The following ATXN10 variants were observed in gnomAD, a reference collection of about 807,000 sequenced individuals.
ATXN10 encodes ataxin-10.
A neutral mutation model predicts 52.9 loss-of-function variants in ATXN10; 28 were observed. The ratio of observed to expected loss-of-function variants is 0.53; its 90% CI spans 0.39 to 0.73. The LOEUF (loss-of-function observed/expected upper bound fraction) is 0.73, where lower values mean the gene tolerates loss of function less well. Among genes scored for constraint, ATXN10 ranks in the 30% least tolerant of loss-of-function variants. The probability of loss-of-function intolerance (pLI) is 0.00; values close to 1 mark genes in which losing one functional copy is unlikely to be tolerated. For synonymous variants in ATXN10, 226 were observed against 221.5 expected, an observed-to-expected ratio of 1.02 and a Z score of -0.18; for missense variants, 565 against 577.0, an observed-to-expected ratio of 0.98 and a Z score of 0.21.
chr22:45,671,965 CCTCCTCGCCATCCTA>C lies in ATXN10; in HGVS notation c.-92_-78del. On this transcript the variant is annotated 5_prime_UTR_variant, in exon 1 of 12. Coordinates refer to ENST00000252934, the MANE Select transcript of ATXN10 (RefSeq NM_013236.4). Reference sequence around the variant, plus strand: ...CTGTGTAGGGCGAGGCCTCCCCCTTCCTCCTCGCCATCCTACTCCTCCCTCCTCGTCATCCTCCCC... The same window carrying C: ...CTGTGTAGGGCGAGGCCTCCCCCTTCCTCCTCCCTCCTCGTCATCCTCCCC... 3 of 1,363,256 alleles carry C rather than the reference CCTCCTCGCCATCCTA, an allele frequency of 2.2e-6. No homozygotes were observed. Among genetic ancestry groups the C allele is most frequent in the Non-Finnish European group, 2.0e-6 (2 of 1,002,344 alleles). 84.4% of individuals were successfully genotyped at this position (1,363,256 alleles called of 1,614,324 possible).
At chr22:45,834,088 C>T (rs1228767832) in intron 10 of ATXN10, among the ~76,000 whole-genome samples, 1 of 152,224 alleles carries the variant, frequency 6.6e-6, no homozygotes, top group East Asian at 1.9e-4. Context: ...TGGAATGTGA[C>T]AACTGATGCT....
At chr22:45,726,893 G>A (rs1924893501) in intron 6 of ATXN10, among the ~76,000 whole-genome samples, 1 of 152,106 alleles carries the variant, frequency 6.6e-6, no homozygotes, top group East Asian at 1.9e-4. Flanking sequence ...TGTCGCCCGG[G>A]CTGGTCTCAA....
chr22:45,815,475 T>C (rs1928428684), intron 10 of ATXN10, among the ~76,000 whole-genome samples: 1 of 152,178 alleles, frequency 6.6e-6, no homozygotes, highest in Non-Finnish European at 1.5e-5. Context: ...GTATTAAAAT[T>C]GTTTAAATCA....
At chr22:45,802,625 A>C (rs1411852814) in intron 9 of ATXN10, among the ~76,000 whole-genome samples, 1 of 152,168 alleles carries the variant, frequency 6.6e-6, no homozygotes, top group Non-Finnish European at 1.5e-5. Flanking sequence ...ATCCTTTCCT[A>C]ATGCAGCTGT....
In ATXN10 at chr22:45,696,044, T is replaced by C. The variant is rs1308047337; in HGVS notation, c.391+2966T>C. ...TGGTAATTAAAAATTAATTACTTCC[T>C]TTAAGAATTTACAGACAAAGTGCAT... On this transcript the variant is annotated intron_variant, in intron 3 of 11. Transcript: ENST00000252934. This position sits in a 1 kb window ranked among gnomAD's most constrained non-coding sequence, Gnocchi z 4.7. 6.6e-6 allele frequency among the ~76,000 whole-genome samples: 1 copy of C among 152,238 alleles called. No homozygotes were observed. Among genetic ancestry groups the C allele is most frequent in the African/African-American group, 2.4e-5 (1 of 41,454 alleles).
At chr22:45,797,920 C>T (rs1391588651) in intron 9 of ATXN10, among the ~76,000 whole-genome samples, 1 of 152,132 alleles carries the variant, frequency 6.6e-6, no homozygotes, top group Non-Finnish European at 1.5e-5. Flanking sequence ...ATAGCATAAA[C>T]AACTTGATGC....
chr22:45,718,358 A>G lies in ATXN10; in HGVS notation c.648-55A>G. 5.3e-6 allele frequency: 7 copies of G among 1,311,468 alleles called. No homozygotes were observed. The highest frequency in any genetic ancestry group is 7.7e-6 in the Non-Finnish European group (7 of 904,210). The allele number at this position is 1,311,468 out of a possible 1,614,324, so 81.2% of individuals were successfully genotyped here. A position where few individuals can be genotyped will look rare whatever the true frequency, so the allele number is the denominator to read the frequency against. ...TGGTGCCTATAAAGTAGATAAGGGC[A>G]TGTCTCTTTTACTATGTTTCAAGTA... is the stretch of plus-strand genomic sequence containing the variant. On this transcript the variant is annotated intron_variant, in intron 5 of 11. Coordinates refer to ENST00000252934, the MANE Select transcript of ATXN10 (RefSeq NM_013236.4). This position sits in a 1 kb window ranked among gnomAD's most constrained non-coding sequence, Gnocchi z 4.4.
intron 6 of ATXN10, among the ~76,000 whole-genome samples, chr22:45,720,316 C>CT (rs75983888): frequency 2.5e-3 from 356 of 140,804 alleles, no homozygotes; most frequent in East Asian, 0.014. Flanking sequence ...CTATTGTAAC[C>CT]TTTTTTTTTT....
rs1922459246 is a variant in ATXN10 at position 45,672,002 on chromosome 22, C to T, written c.-62C>T. 6 of 1,513,502 alleles carry T rather than the reference C, an allele frequency of 4.0e-6. No homozygotes were observed. The highest frequency in any genetic ancestry group is 2.7e-6 in the Non-Finnish European group (3 of 1,129,622). 93.8% of individuals were successfully genotyped at this position (1,513,502 alleles called of 1,614,324 possible). On this transcript the variant is annotated 5_prime_UTR_variant, in exon 1 of 12. Transcript: ENST00000252934. ...CCTACTCCTCCCTCCTCGTCATCCT[C>T]CCCCTTCGTCCTCCTCGCCTTCCTC...
At chr22:45,794,416 A>T (rs140267664) in intron 9 of ATXN10, among the ~76,000 whole-genome samples, 161 of 151,410 alleles carry the variant, frequency 1.1e-3, no homozygotes, top group East Asian at 7.9e-3. Context: ...GTTGTCTAAA[A>T]CCTGTTTCTC....
rs921267774 is a variant in ATXN10 at position 45,696,475 on chromosome 22, T to C, written c.391+3397T>C. 3.3e-5 allele frequency among the ~76,000 whole-genome samples: 5 copies of C among 152,246 alleles called. No homozygotes were observed. The highest frequency in any genetic ancestry group is 5.9e-5 in the Non-Finnish European group (4 of 68,044). ...CAAAGGGGAAGTGCTGTACAAATGC[T>C]GTGATTAAATAACTATTAGAATGGA... On this transcript the variant is annotated intron_variant, in intron 3 of 11. Coordinates refer to ENST00000252934, the MANE Select transcript of ATXN10 (RefSeq NM_013236.4). The surrounding 1 kb of genome is among the most constrained non-coding windows in gnomAD (Gnocchi z 4.7).
rs934121179 is a variant in ATXN10, at chr22:45,844,509, C to A, written c.*838C>A. ...CATAAAGGTGCCACTCAGTTTTAGC[C>A]ATGTCTTCACTGAAATTGCAAAAGT... On this transcript the variant is annotated 3_prime_UTR_variant, in exon 12 of 12. Transcript: ENST00000252934. 1.3e-5 allele frequency: 2 copies of A among 152,184 alleles called. No homozygotes were observed. Among genetic ancestry groups the A allele is most frequent in the African/African-American group, 4.8e-5 (2 of 41,436 alleles). 9.4% of individuals were successfully genotyped at this position (152,184 alleles called of 1,614,324 possible). A position where few individuals can be genotyped will look rare whatever the true frequency, so the allele number is the denominator to read the frequency against.
intron 7 of ATXN10, among the ~76,000 whole-genome samples, chr22:45,737,036 A>G (rs184189673): frequency 6.6e-6 from 1 of 152,342 alleles, no homozygotes; most frequent in Admixed American, 6.5e-5. Context: ...TTGATTACCA[A>G]TCTTCAGAAT....
rs144771657 is a variant in ATXN10, at chr22:45,790,103, A to G, written c.1174-16856A>G. Reference sequence around the variant, plus strand: ...ACATTGCATTTTAAATTAAAGTCCAAAGGCATTAAAGTCCAATTCTCTTGC... The same window carrying G: ...ACATTGCATTTTAAATTAAAGTCCAGAGGCATTAAAGTCCAATTCTCTTGC... On this transcript the variant is annotated intron_variant, in intron 9 of 11. Transcript: ENST00000252934. This position sits in a 1 kb window ranked among gnomAD's most constrained non-coding sequence, Gnocchi z 4.7. 7.1e-4 allele frequency among the ~76,000 whole-genome samples: 108 copies of G among 152,332 alleles called. 1 individual carries two copies. The highest frequency in any genetic ancestry group is 2.4e-3 in the African/African-American group (98 of 41,576).
rs1055046106 is a variant in ATXN10 at position 45,826,735 on chromosome 22, A to G, written c.1238-16256A>G. On this transcript the variant is annotated intron_variant, in intron 10 of 11. Coordinates refer to ENST00000252934, the MANE Select transcript of ATXN10 (RefSeq NM_013236.4). The surrounding 1 kb of genome is among the most constrained non-coding windows in gnomAD (Gnocchi z 5.0). ...TAAATTAAGGCATTCACAGACGAAC[A>G]AAAGCTGATGGAGTTTGTTACCACT... Among the ~76,000 whole-genome samples, 27 of 152,248 alleles carry G rather than the reference A, an allele frequency of 1.8e-4. No homozygotes were observed. The highest frequency in any genetic ancestry group is 6.3e-4 in the African/African-American group (26 of 41,468).
rs1052095655 is a variant in ATXN10 at position 45,744,873 on chromosome 22, C to G, written c.1173+4335C>G. ...AGAAATGTATTTTATCCCAAATTCT[C>G]ATGAGTCTTTAATGCTTAAGTCTGT... On this transcript the variant is annotated intron_variant, in intron 9 of 11. Coordinates refer to ENST00000252934, the MANE Select transcript of ATXN10 (RefSeq NM_013236.4). This position sits in a 1 kb window ranked among gnomAD's most constrained non-coding sequence, Gnocchi z 4.9. The G allele has an allele frequency of 6.6e-6, 1 of 152,204 alleles. No homozygotes were observed. Among genetic ancestry groups the G allele is most frequent in the Admixed American group, 6.5e-5 (1 of 15,288 alleles). 9.4% of individuals were successfully genotyped at this position (152,204 alleles called of 1,614,324 possible).
In ATXN10 at chr22:45,740,558, T is replaced by C. The variant is rs188695486; in HGVS notation, c.1173+20T>C. The C allele has an allele frequency of 2.7e-4, 430 of 1,609,188 alleles. 1 individual carries two copies. The East Asian group carries it at 4.3e-3, about 16-fold the overall frequency. On this transcript the variant is annotated intron_variant, in intron 9 of 11. Coordinates refer to ENST00000252934, the MANE Select transcript of ATXN10 (RefSeq NM_013236.4). ...GACAAGGTAAGAGGATTTCTTAGTA[T>C]GTATTATACATGTATGGCTTCATTT...
chr22:45,776,680 A>T (rs1443115878), intron 9 of ATXN10, among the ~76,000 whole-genome samples: 1 of 151,066 alleles, frequency 6.6e-6, no homozygotes, highest in Non-Finnish European at 1.5e-5. Context: ...TTCTCAATAG[A>T]GAAAATGAAA....
At position 45,837,628 on chromosome 22, in the gene ATXN10, C is replaced by T. The variant is rs1303208613; in HGVS notation, c.1238-5363C>T. On this transcript the variant is annotated intron_variant, in intron 10 of 11. Coordinates refer to ENST00000252934, the MANE Select transcript of ATXN10 (RefSeq NM_013236.4). This position sits in a 1 kb window ranked among gnomAD's most constrained non-coding sequence, Gnocchi z 5.8. ...ATGTTCTAGGCCGGAAGTTGGCACA[C>T]CTTTTCTGTGAAGGGCCACATAGTA... 6.6e-6 allele frequency among the ~76,000 whole-genome samples: 1 copy of T among 152,218 alleles called. No individual in the cohort carries two copies. Among genetic ancestry groups the T allele is most frequent in the Non-Finnish European group, 1.5e-5 (1 of 68,044 alleles).
Sources: allele counts gnomAD v4.1 joint callset (sites outside exome capture counted in the v4.1 genomes callset), GRCh38; gene constraint gnomAD v4.1.1; non-coding constraint Gnocchi (gnomAD v3.1); transcripts MANE v1.5; gene names NCBI Gene and HGNC (gene_info 2026-07-23, HGNC 2026-07-21).